The following C19orf44 variants were observed in gnomAD, a reference collection of about 807,000 sequenced individuals.
C19orf44 encodes the protein uncharacterized protein C19orf44.
A neutral mutation model predicts 50.7 loss-of-function variants in C19orf44; 43 were observed. The ratio of observed to expected loss-of-function variants is 0.85; its 90% CI spans 0.66 to 1.09. The LOEUF is 1.09. Among genes scored for constraint, C19orf44 ranks in the 50% least tolerant of loss-of-function variants. The pLI, the probability that C19orf44 is intolerant of heterozygous loss-of-function variation, is 0.00. For missense variants in C19orf44, 722 were observed against 836.2 expected (o/e 0.86, Z 1.68); for synonymous variants, 298 against 334.7 (o/e 0.89, Z 1.20).
intron 3 of C19orf44, among the ~76,000 whole-genome samples, chr19:16,503,883 G>A (rs1436414797): frequency 2.0e-5 from 3 of 152,126 alleles, no homozygotes; most frequent in Admixed American, 1.3e-4. Flanking sequence ...CATCTCTTGA[G>A]TCAATTTAAA....
In C19orf44 at chr19:16,501,415, T is replaced by C. The variant is rs777530174; in HGVS notation, c.623T>C (p.Phe208Ser). 1 of 1,613,866 alleles carries C rather than the reference T, an allele frequency of 6.2e-7. No individual in the cohort carries two copies. The highest frequency in any genetic ancestry group is 8.5e-7 in the Non-Finnish European group (1 of 1,179,946). ...AAACAGAAAGAACCTGCTAGAACAT[T>C]TGATTCTCCAGACAGTGACGAAGAA... Reference protein sequence around the residue: ...TPKQKEPARTFDSPDSDEEEM... With the variant: ...TPKQKEPARTSDSPDSDEEEM... Residue 208 changes from phenylalanine to serine, a missense_variant, in exon 2 of 9, where the codon TTT (phenylalanine) becomes TCT (serine). Physicochemically the swap from Phe to Ser is radical, Grantham distance 155. Transcript: ENST00000221671.
rs899582585 is a variant in C19orf44 at position 16,519,012 on chromosome 19, C to T, written c.*41-1082C>T. 23 of 769,518 alleles carry T rather than the reference C, an allele frequency of 3.0e-5. No homozygotes were observed. Among genetic ancestry groups the T allele is most frequent in the Admixed American group, 5.7e-5 (2 of 34,878 alleles). The allele number at this position is 769,518 out of a possible 1,614,324, so 47.7% of individuals were successfully genotyped here. ...GAGCACGGCGTTCCCACTGGGCATG[C>T]GCTGGTCTTCCTTCTCTTCCTGTGG... On this transcript the variant is annotated intron_variant, in intron 8 of 8. Coordinates refer to ENST00000221671, the MANE Select transcript of C19orf44 (RefSeq NM_032207.4). This position sits in a 1 kb window ranked among gnomAD's most constrained non-coding sequence, Gnocchi z 6.0.
In C19orf44 at chr19:16,520,769, C is replaced by A; in HGVS notation, c.*716C>A. 4 of 1,518,928 alleles carry A rather than the reference C, an allele frequency of 2.6e-6. No individual in the cohort carries two copies. The allele number at this position is 1,518,928 out of a possible 1,614,324, so 94.1% of individuals were successfully genotyped here. A position where few individuals can be genotyped will look rare whatever the true frequency, so the allele number is the denominator to read the frequency against. The stretch of plus-strand genomic sequence containing the variant: ...TGAGTGTATCTGGGGTCTGCTCCCA[C>A]CCATCACAAGCTGTGGACCCTGGCC... On this transcript the variant is annotated 3_prime_UTR_variant, in exon 9 of 9. Coordinates refer to ENST00000221671, the MANE Select transcript of C19orf44 (RefSeq NM_032207.4). The surrounding 1 kb of genome is among the most constrained non-coding windows in gnomAD (Gnocchi z 4.0).
chr19:16,506,086 C>T (rs923725989), intron 3 of C19orf44, among the ~76,000 whole-genome samples: 20 of 152,212 alleles, frequency 1.3e-4, no homozygotes, highest in East Asian at 1.9e-4. Flanking sequence ...AGAGATTCTC[C>T]GGCCTCAGCC....
At position 16,520,472 on chromosome 19, in the gene C19orf44, C is replaced by T. The variant is rs905493025; in HGVS notation, c.*419C>T. 29 of 1,613,900 alleles carry T rather than the reference C, an allele frequency of 1.8e-5. No homozygotes were observed. The highest frequency in any genetic ancestry group is 2.2e-5 in the South Asian group (2 of 91,070). ...GTTGGAGCGGGAGGAAGAACGCCCTCGACTCTTGGATCTGCTCCGAGACCT... is the reference window on the plus strand; with the variant it reads ...GTTGGAGCGGGAGGAAGAACGCCCTTGACTCTTGGATCTGCTCCGAGACCT... On this transcript the variant is annotated 3_prime_UTR_variant, in exon 9 of 9. Transcript: ENST00000221671. The surrounding 1 kb of genome is among the most constrained non-coding windows in gnomAD (Gnocchi z 4.0).
At position 16,521,351 on chromosome 19, in the gene C19orf44, G is replaced by T; in HGVS notation, c.*1298G>T. 1 of 610,296 alleles carries T rather than the reference G, an allele frequency of 1.6e-6. No homozygotes were observed. The highest frequency in any genetic ancestry group is 2.8e-6 in the Non-Finnish European group (1 of 358,416). The allele number at this position is 610,296 out of a possible 1,614,324, so 37.8% of individuals were successfully genotyped here. A position where few individuals can be genotyped will look rare whatever the true frequency, so the allele number is the denominator to read the frequency against. On this transcript the variant is annotated 3_prime_UTR_variant, in exon 9 of 9. Coordinates refer to ENST00000221671, the MANE Select transcript of C19orf44 (RefSeq NM_032207.4). Reference sequence around the variant, plus strand: ...TCTCCATTAAAACGCCCTTCATTGAGGGCCACGTGTGTGCTGTGCCTGTGA... The same window carrying T: ...TCTCCATTAAAACGCCCTTCATTGATGGCCACGTGTGTGCTGTGCCTGTGA...
chr19:16,518,358 C>CAGA (rs2085567396), intron 8 of C19orf44: 1 of 152,082 alleles, frequency 6.6e-6, no homozygotes, highest in African/African-American at 2.4e-5. Context: ...GCGACGGGCA[C>CAGA]AGACTCCGAG....
At chr19:16,499,121 G>T (rs8108858) in intron 1 of C19orf44, among the ~76,000 whole-genome samples, 59,079 of 152,002 alleles carry the variant, frequency 0.39, 13,161 homozygotes, top group African/African-American at 0.62. Context: ...AGACCAGGAA[G>T]TCTGCATTAT....
chr19:16,506,643 AT>A, intron 3 of C19orf44, 57 bp from the exon 4 acceptor site: 1 of 1,184,064 alleles, frequency 8.4e-7, no homozygotes, highest in East Asian at 2.7e-5. Flanking sequence ...GTTTGTAAAA[AT>A]TTATGGAGTA....
chr19:16,519,394 C>T lies in C19orf44; in HGVS notation c.*41-700C>T. ...AGTCACAACCACAACAAGGCGGAGG[C>T]AGATGGGGGTGCACGTGGGGGGCTG... On this transcript the variant is annotated intron_variant, in intron 8 of 8. Transcript: ENST00000221671. The surrounding 1 kb of genome is among the most constrained non-coding windows in gnomAD (Gnocchi z 6.0). The T allele has an allele frequency of 1.3e-6, 2 of 1,583,916 alleles. No homozygotes were observed. The highest frequency in any genetic ancestry group is 1.7e-6 in the Non-Finnish European group (2 of 1,163,332).
intron 2 of C19orf44, among the ~76,000 whole-genome samples, chr19:16,502,384 C>T (rs1441525934): frequency 6.6e-6 from 1 of 151,604 alleles, no homozygotes; most frequent in Non-Finnish European, 1.5e-5. Flanking sequence ...ATTACAGGAG[C>T]ATACCACCAC....
At position 16,501,531 on chromosome 19, in the gene C19orf44, GAAGA is replaced by G. The variant is rs780717311; in HGVS notation, c.746_749del (p.Arg249AsnfsTer9). 7.1e-7 allele frequency: 1 copy of G among 1,411,744 alleles called. No individual in the cohort carries two copies. Among genetic ancestry groups the G allele is most frequent in the Non-Finnish European group, 9.3e-7 (1 of 1,075,124 alleles). 87.5% of individuals were successfully genotyped at this position (1,411,744 alleles called of 1,614,324 possible). A position where few individuals can be genotyped will look rare whatever the true frequency, so the allele number is the denominator to read the frequency against. On this transcript the variant is annotated frameshift_variant, in exon 2 of 9. Transcript: ENST00000221671. LOFTEE classifies it high-confidence loss of function. ...CAGCAGCGCTAACGTCAGCGAGGAA[GAAGA>G]AAGAAAACTATTTTCGGTGAGATTT...
In C19orf44 at chr19:16,501,176, A is replaced by G; in HGVS notation, c.384A>G (p.Pro128=). The change falls in exon 2 of 9, where the codon CCA becomes CCG. Residue 128 remains proline (P), a synonymous_variant. Transcript: ENST00000221671. ...SDSMTADAGL[P]KRADRILSGG... is the part of the protein sequence containing the mutation. Reference sequence around the variant, plus strand: ...CAATGACCGCCGATGCTGGTCTTCCAAAGAGAGCTGACAGAATCCTCTCTG... The same window carrying G: ...CAATGACCGCCGATGCTGGTCTTCCGAAGAGAGCTGACAGAATCCTCTCTG... The G allele has an allele frequency of 6.2e-7, 1 of 1,614,176 alleles. No individual in the cohort carries two copies. The highest frequency in any genetic ancestry group is 8.5e-7 in the Non-Finnish European group (1 of 1,180,044).
intron 2 of C19orf44, 44 bp from the exon 3 acceptor site, chr19:16,503,021 C>A: frequency 2.6e-6 from 4 of 1,529,794 alleles, no homozygotes; most frequent in Non-Finnish European, 3.5e-6. Context: ...AAACAAAAAA[C>A]CTTAGTTGTC....
chr19:16,506,267 G>A lies in C19orf44; in HGVS notation c.1076-434G>A, dbSNP rs527902994. Among the ~76,000 whole-genome samples, 235 of 151,546 alleles carry A rather than the reference G, an allele frequency of 1.6e-3. 3 individuals carry two copies. Among genetic ancestry groups the A allele is most frequent in the South Asian group, 0.015 (70 of 4,702 alleles). On this transcript the variant is annotated intron_variant, in intron 3 of 8. Transcript: ENST00000221671. Reference sequence around the variant, plus strand: ...TGGGATTACAGGCGTGAGTCACCGCGCCTGGCCATGTCTTCATATCTTTCT... The same window carrying A: ...TGGGATTACAGGCGTGAGTCACCGCACCTGGCCATGTCTTCATATCTTTCT...
intron 6 of C19orf44, among the ~76,000 whole-genome samples, chr19:16,514,007 A>G (rs1194547215): frequency 6.7e-6 from 1 of 148,238 alleles, no homozygotes; most frequent in Non-Finnish European, 1.5e-5. Context: ...TTTTTTTTTG[A>G]GACGGAGTCT....
At chr19:16,497,039 A>G (rs911718317) in intron 1 of C19orf44, among the ~76,000 whole-genome samples, 14 of 152,128 alleles carry the variant, frequency 9.2e-5, no homozygotes, top group African/African-American at 3.4e-4. Flanking sequence ...ATGTTGAGGC[A>G]GGAGGGAGGA....
chr19:16,520,770 C>G lies in C19orf44; in HGVS notation c.*717C>G, dbSNP rs2085606013. ...GAGTGTATCTGGGGTCTGCTCCCAC[C>G]CATCACAAGCTGTGGACCCTGGCCC... On this transcript the variant is annotated 3_prime_UTR_variant, in exon 9 of 9. Transcript: ENST00000221671. This position sits in a 1 kb window ranked among gnomAD's most constrained non-coding sequence, Gnocchi z 4.0. 2 of 1,513,200 alleles carry G rather than the reference C, an allele frequency of 1.3e-6. No homozygotes were observed. The highest frequency in any genetic ancestry group is 3.3e-5 in the Admixed American group (2 of 59,892). 93.7% of individuals were successfully genotyped at this position (1,513,200 alleles called of 1,614,324 possible).
intron 6 of C19orf44, among the ~76,000 whole-genome samples, chr19:16,514,162 T>G (rs550372623): frequency 9.9e-5 from 15 of 151,720 alleles, no homozygotes; most frequent in Middle Eastern, 3.4e-3. Context: ...TAATTTTTTT[T>G]TTTGTTTTTT....
Sources: allele counts gnomAD v4.1 joint callset (sites outside exome capture counted in the v4.1 genomes callset), GRCh38; gene constraint gnomAD v4.1.1; non-coding constraint Gnocchi (gnomAD v3.1); transcripts MANE v1.5; gene names NCBI Gene and HGNC (gene_info 2026-07-23, HGNC 2026-07-21).